The following PCDH11Y variants were observed in gnomAD, a reference collection of about 807,000 sequenced individuals.
The protein encoded by PCDH11Y is protocadherin-11 Y-linked.
For synonymous variants in PCDH11Y, 9 were observed against 83.6 expected (o/e 0.11, Z 4.87); for missense variants, 12 against 224.8 (o/e 0.05, Z 6.05).
chrY:5,183,534 T>G, intron 2 of PCDH11Y, among the ~76,000 whole-genome samples: 1 of 29,315 alleles, frequency 3.4e-5, no homozygotes, highest in Non-Finnish European at 8.0e-5. Flanking sequence ...AACTAAAGCA[T>G]GTTTCACGAG....
intron 2 of PCDH11Y, among the ~76,000 whole-genome samples, chrY:5,379,339 A>G: frequency 3.0e-5 from 1 of 33,174 alleles, no homozygotes; most frequent in Non-Finnish European, 7.4e-5. Context: ...TCTTTGTCTT[A>G]GTCTAATTTT....
At chrY:5,246,926 G>T in intron 2 of PCDH11Y, among the ~76,000 whole-genome samples, 1 of 32,667 alleles carries the variant, frequency 3.1e-5, no homozygotes, top group Non-Finnish European at 7.5e-5. Context: ...ACAACAAAAA[G>T]CAGGGGTTGC....
chrY:5,547,957 C>A, intron 3 of PCDH11Y, among the ~76,000 whole-genome samples: 1 of 32,191 alleles, frequency 3.1e-5, no homozygotes, highest in South Asian at 7.0e-4. Context: ...GGAGACCTCA[C>A]AATCATGGCA....
chrY:5,127,645 A>C, intron 2 of PCDH11Y, among the ~76,000 whole-genome samples: 2 of 33,233 alleles, frequency 6.0e-5, no homozygotes, highest in Non-Finnish European at 1.5e-4. Flanking sequence ...TATAAAAGTA[A>C]TTTTATAGAG....
At position 5,011,704 on chromosome Y, in the gene PCDH11Y, AATC is replaced by A. The variant is rs2052550212; in HGVS notation, c.-134+11100_-134+11102del. ...TTAGAATACAGCCGAATAGTCACTTAATCTAAGTGAAACTTTCATTCATTATTA... is the reference window on the plus strand; with the variant it reads ...TTAGAATACAGCCGAATAGTCACTTATAAGTGAAACTTTCATTCATTATTA... On this transcript the variant is annotated intron_variant, in intron 1 of 5. Coordinates refer to the PCDH11Y transcript ENST00000333703. Among the ~76,000 whole-genome samples, 53 of 32,587 alleles carry A rather than the reference AATC, an allele frequency of 1.6e-3. No individual in the cohort carries two copies. In the East Asian group the frequency reaches 0.041, roughly 25 times the overall value. 87.4% of individuals were successfully genotyped at this position (32,587 alleles called of 37,273 possible). A position where few individuals can be genotyped will look rare whatever the true frequency, so the allele number is the denominator to read the frequency against.
At chrY:5,044,761 C>T (rs2052629386) in intron 3 of PCDH11Y, among the ~76,000 whole-genome samples, 1 of 32,313 alleles carries the variant, frequency 3.1e-5, no homozygotes, top group Non-Finnish European at 7.5e-5. Context: ...TCTTTGTAGG[C>T]CACTCAGGAC....
intron 2 of PCDH11Y, among the ~76,000 whole-genome samples, chrY:5,381,577 G>T: frequency 3.0e-5 from 1 of 33,430 alleles, no homozygotes; most frequent in African/African-American, 1.2e-4. Flanking sequence ...TGTATTGCCA[G>T]CACCTAGTAG....
At chrY:5,272,555 T>C in intron 2 of PCDH11Y, among the ~76,000 whole-genome samples, 14 of 33,156 alleles carry the variant, frequency 4.2e-4, no homozygotes, top group Non-Finnish European at 1.0e-3. Context: ...TGCATTCTGA[T>C]GTCTGGGAGG....
At chrY:5,044,410 G>T in intron 3 of PCDH11Y, among the ~76,000 whole-genome samples, 2 of 33,180 alleles carry the variant, frequency 6.0e-5, no homozygotes, top group African/African-American at 2.4e-4. Context: ...TTTCCATGTA[G>T]TTGAGCGGTT....
chrY:5,660,920 TA>T (rs1292452172), intron 4 of PCDH11Y, among the ~76,000 whole-genome samples: 255 of 27,765 alleles, frequency 9.2e-3, no homozygotes, highest in African/African-American at 0.032. Context: ...ATAACTCAAT[TA>T]AAAAAAAAAA....
At chrY:5,589,081 C>T in intron 4 of PCDH11Y, among the ~76,000 whole-genome samples, 1 of 32,554 alleles carries the variant, frequency 3.1e-5, no homozygotes, top group Admixed American at 2.8e-4. Context: ...TATCTTCAAG[C>T]TTACTAATTC....
At chrY:5,238,745 C>A (rs2052983032) in intron 2 of PCDH11Y, among the ~76,000 whole-genome samples, 1 of 32,487 alleles carries the variant, frequency 3.1e-5, no homozygotes, top group Admixed American at 2.8e-4. Context: ...ACAAACAACC[C>A]CATCAACAAG....
intron 4 of PCDH11Y, among the ~76,000 whole-genome samples, chrY:5,712,634 A>C (rs2053587462): frequency 6.0e-4 from 20 of 33,202 alleles, no homozygotes; most frequent in Non-Finnish European, 1.3e-3. Flanking sequence ...TCAGAAGTTT[A>C]AAAAAAAATT....
intron 2 of PCDH11Y, among the ~76,000 whole-genome samples, chrY:5,200,064 G>A: frequency 3.1e-5 from 1 of 32,694 alleles, no homozygotes; most frequent in Non-Finnish European, 7.4e-5. Context: ...AAAGACATGA[G>A]ACCGGTTATC....
At chrY:5,436,606 ATGGGGACTCGGGTATAGTC>A (rs2053275507) in intron 2 of PCDH11Y, among the ~76,000 whole-genome samples, 1 of 33,259 alleles carries the variant, frequency 3.0e-5, no homozygotes, top group Non-Finnish European at 7.4e-5. Flanking sequence ...GGGCTTAATC[ATGGGGACTCGGGTATAGTC>A]TATGGCTTTA....
At chrY:5,083,504 G>C (rs1602858986) in intron 1 of PCDH11Y, among the ~76,000 whole-genome samples, 132 of 30,908 alleles carry the variant, frequency 4.3e-3, no homozygotes, top group Admixed American at 0.013. Context: ...TTTTGTATCT[G>C]GGTAATGTTG....
chrY:5,710,646 T>C, intron 4 of PCDH11Y, among the ~76,000 whole-genome samples: 1 of 33,250 alleles, frequency 3.0e-5, no homozygotes, highest in Non-Finnish European at 7.4e-5. Flanking sequence ...AAAAACTAGA[T>C]AAAGGTTTCT....
At chrY:5,373,499 T>C in intron 2 of PCDH11Y, among the ~76,000 whole-genome samples, 1 of 30,959 alleles carries the variant, frequency 3.2e-5, no homozygotes. Context: ...TTCTTTCTAA[T>C]ATAAAGGAAT....
intron 2 of PCDH11Y, among the ~76,000 whole-genome samples, chrY:5,385,832 C>G: frequency 3.0e-5 from 1 of 33,253 alleles, no homozygotes; most frequent in African/African-American, 1.2e-4. Context: ...CTATTCATGT[C>G]CTTAGCCCAC....
Sources: allele counts gnomAD v4.1 joint callset (sites outside exome capture counted in the v4.1 genomes callset), GRCh38; gene constraint gnomAD v4.1.1; transcripts MANE v1.5; gene names NCBI Gene and HGNC (gene_info 2026-07-23, HGNC 2026-07-21).